Variants in DLG2 observed in about 807,000 individuals in gnomAD.
DLG2 encodes the protein disks large homolog 2.
In DLG2, 45 loss-of-function variants were observed where a neutral mutation model predicts 132.5. The ratio of observed to expected loss-of-function variants is 0.34; its 90% CI spans 0.27 to 0.44. The LOEUF (loss-of-function observed/expected upper bound fraction) is 0.44, where lower values mean the gene tolerates loss of function less well. DLG2 is among the 20% of genes least tolerant of loss of function. The pLI, the probability that DLG2 is intolerant of heterozygous loss-of-function variation, is 1.00. For missense variants in DLG2, 1,045 were observed against 1,196.9 expected (o/e 0.87, Z 1.87); for synonymous variants, 424 against 419.6 (o/e 1.01, Z -0.13).
rs11338428 is a variant in DLG2 at position 84,174,014 on chromosome 11, C to CTTTTTTTTTTTTTTTTTTTTTTT, written c.574-10504_574-10503insAAAAAAAAAAAAAAAAAAAAAAA. 7.0e-4 allele frequency among the ~76,000 whole-genome samples: 43 copies of CTTTTTTTTTTTTTTTTTTTTTTT among 61,202 alleles called. 3 individuals are homozygous for CTTTTTTTTTTTTTTTTTTTTTTT. Among genetic ancestry groups the CTTTTTTTTTTTTTTTTTTTTTTT allele is most frequent in the African/African-American group, 2.6e-3 (40 of 15,362 alleles). 40.2% of individuals were successfully genotyped at this position (61,202 alleles called of 152,430 possible). On this transcript the variant is annotated intron_variant, in intron 8 of 27. Coordinates refer to ENST00000376104, the MANE Select transcript of DLG2 (RefSeq NM_001142699.3). ...CTGAGTTTTGACTTCACCCCCCGGCCTTTTTTTTTTTTTTTTTTTTTTCTG... is the reference window on the plus strand; with the variant it reads ...CTGAGTTTTGACTTCACCCCCCGGCCTTTTTTTTTTTTTTTTTTTTTTTTTTTTTTTTTTTTTTTTTTTTTCTG...
intron 19 of DLG2, among the ~76,000 whole-genome samples, chr11:83,583,371 G>A (rs1230987414): frequency 6.6e-6 from 1 of 152,156 alleles, no homozygotes; most frequent in East Asian, 1.9e-4. Flanking sequence ...CCCGGGCATT[G>A]CCCTTCACTG....
At chr11:84,922,838 T>TA (rs1420624413) in intron 6 of DLG2, among the ~76,000 whole-genome samples, 4 of 139,206 alleles carry the variant, frequency 2.9e-5, no homozygotes, top group Non-Finnish European at 4.6e-5. Context: ...ACCCCCCAAC[T>TA]ATGAGCGTGA....
intron 5 of DLG2, among the ~76,000 whole-genome samples, chr11:85,123,284 A>G (rs923233177): frequency 6.6e-6 from 1 of 151,890 alleles, no homozygotes; most frequent in Non-Finnish European, 1.5e-5. Context: ...GCCTGTATGT[A>G]TATTTTTTAA....
At chr11:85,405,324 A>T (rs1278969460) in intron 3 of DLG2, among the ~76,000 whole-genome samples, 3 of 152,050 alleles carry the variant, frequency 2.0e-5, no homozygotes, top group Admixed American at 6.6e-5. Flanking sequence ...ACAAAAATGT[A>T]CAACATGGCC....
At chr11:83,855,181 G>A (rs2060338321) in intron 16 of DLG2, among the ~76,000 whole-genome samples, 1 of 152,132 alleles carries the variant, frequency 6.6e-6, no homozygotes, top group African/African-American at 2.4e-5. Context: ...AACAAATGCT[G>A]GCAAGGATGT....
chr11:84,787,400 C>T (rs1008959145), intron 6 of DLG2, among the ~76,000 whole-genome samples: 4 of 152,082 alleles, frequency 2.6e-5, no homozygotes, highest in Admixed American at 2.6e-4. Flanking sequence ...AATGCTGTTC[C>T]CTATGCACAG....
At chr11:84,418,538 G>T (rs2154463222) in intron 7 of DLG2, among the ~76,000 whole-genome samples, 1 of 152,304 alleles carries the variant, frequency 6.6e-6, no homozygotes, top group African/African-American at 2.4e-5. Context: ...TCCTGAGTTT[G>T]AAATCCTGGT....
At chr11:83,608,905 A>G (rs540483338) in intron 19 of DLG2, among the ~76,000 whole-genome samples, 7 of 152,166 alleles carry the variant, frequency 4.6e-5, no homozygotes, top group Non-Finnish European at 8.8e-5. Flanking sequence ...CCAACAAACT[A>G]TGGTGGATTT....
chr11:84,576,768 A>G (rs1360849381), intron 6 of DLG2, among the ~76,000 whole-genome samples: 1 of 152,194 alleles, frequency 6.6e-6, no homozygotes, highest in East Asian at 1.9e-4. Context: ...GACACAAAGA[A>G]TCTATGTGGA....
intron 6 of DLG2, among the ~76,000 whole-genome samples, chr11:85,025,344 T>A (rs939594365): frequency 4.0e-4 from 61 of 152,316 alleles, no homozygotes; most frequent in African/African-American, 1.4e-3. Context: ...ACCAGAACTG[T>A]TACCATAAAG....
At chr11:83,724,899 C>A in intron 18 of DLG2, 2 of 702,514 alleles carry the variant, frequency 2.8e-6, no homozygotes, top group Non-Finnish European at 5.2e-6. Flanking sequence ...GCATAGCAGG[C>A]AGCTGCTTCC....
At chr11:83,844,273 G>C (rs565859261) in intron 16 of DLG2, among the ~76,000 whole-genome samples, 4 of 149,304 alleles carry the variant, frequency 2.7e-5, no homozygotes, top group Non-Finnish European at 5.9e-5. Flanking sequence ...CAGGCGCGGT[G>C]GCTCACGCCT....
chr11:85,004,608 G>A (rs147399606), intron 6 of DLG2, among the ~76,000 whole-genome samples: 188 of 152,174 alleles, frequency 1.2e-3, no homozygotes, highest in African/African-American at 4.4e-3. Context: ...TGTAGATTCT[G>A]GATATTAGCC....
chr11:85,088,892 C>T (rs754140339), intron 6 of DLG2, among the ~76,000 whole-genome samples: 8 of 152,184 alleles, frequency 5.3e-5, no homozygotes, highest in Non-Finnish European at 8.8e-5. Context: ...TCCTTGTCAG[C>T]ATGGTTCAGT....
At chr11:84,452,879 T>G (rs1258495043) in intron 7 of DLG2, among the ~76,000 whole-genome samples, 3 of 151,434 alleles carry the variant, frequency 2.0e-5, no homozygotes, top group Admixed American at 6.6e-5. Flanking sequence ...AGACCCCATC[T>G]CCAAATAAAT....
chr11:83,942,057 T>C (rs1396668501), intron 14 of DLG2, among the ~76,000 whole-genome samples: 1 of 152,142 alleles, frequency 6.6e-6, no homozygotes, highest in African/African-American at 2.4e-5. Context: ...GTACAATAGG[T>C]GTTCACAGAA....
intron 3 of DLG2, among the ~76,000 whole-genome samples, chr11:85,543,231 G>A (rs187388056): frequency 1.3e-5 from 2 of 152,278 alleles, no homozygotes; most frequent in Admixed American, 1.3e-4. Flanking sequence ...GTGAGAACAT[G>A]CAATGTTTGG....
chr11:84,714,547 CTTTCTCTCTCTT>C (rs1347878496), intron 6 of DLG2, among the ~76,000 whole-genome samples: 4 of 135,328 alleles, frequency 3.0e-5, no homozygotes, highest in South Asian at 2.4e-4. Context: ...TTCTCTTTCT[CTTTCTCTCTCTT>C]TCTCTTTCTC....
chr11:83,883,217 G>T (rs1008063976), intron 15 of DLG2, among the ~76,000 whole-genome samples: 5 of 152,114 alleles, frequency 3.3e-5, no homozygotes, highest in African/African-American at 1.2e-4. Context: ...TGAGGGTCAA[G>T]ATTTTTTCTG....
Sources: allele counts gnomAD v4.1 joint callset (sites outside exome capture counted in the v4.1 genomes callset), GRCh38; gene constraint gnomAD v4.1.1; transcripts MANE v1.5; gene names NCBI Gene and HGNC (gene_info 2026-07-23, HGNC 2026-07-21).